KIAA0930: variants seen among roughly 807,000 people sequenced by gnomAD.
KIAA0930 encodes the protein uncharacterized protein KIAA0930.
Under a neutral mutation model 43.9 loss-of-function variants are expected in KIAA0930, and 24 were observed. The ratio of observed to expected loss-of-function variants is 0.55; its 90% CI spans 0.40 to 0.77. The LOEUF is 0.77. Among genes scored for constraint, KIAA0930 ranks in the 30% least tolerant of loss-of-function variants. KIAA0930 has a pLI of 0.00. For missense variants in KIAA0930, 461 were observed against 574.2 expected (o/e 0.80, Z 2.02); for synonymous variants, 259 against 216.4 (o/e 1.20, Z -1.73).
intron 8 of KIAA0930, among the ~76,000 whole-genome samples, chr22:45,199,393 G>A (rs1025892837): frequency 2.8e-4 from 42 of 152,258 alleles, no homozygotes; most frequent in African/African-American, 9.6e-4. Context: ...ACGAGGTGGC[G>A]ACTGTGTCAC....
At chr22:45,220,271 G>C (rs2083759463) in intron 1 of KIAA0930, among the ~76,000 whole-genome samples, 1 of 151,946 alleles carries the variant, frequency 6.6e-6, no homozygotes, top group African/African-American at 2.4e-5. Flanking sequence ...TGGCAAACAT[G>C]GTAAAACCCC....
At chr22:45,233,949 G>A (rs193089846) in intron 1 of KIAA0930, among the ~76,000 whole-genome samples, 12 of 152,330 alleles carry the variant, frequency 7.9e-5, no homozygotes, top group African/African-American at 2.6e-4. Flanking sequence ...CAGAAGAGCG[G>A]GGCTGGGGCT....
intron 8 of KIAA0930, among the ~76,000 whole-genome samples, chr22:45,198,232 G>T (rs2083555097): frequency 6.6e-6 from 1 of 152,188 alleles, no homozygotes; most frequent in Admixed American, 6.5e-5. Flanking sequence ...TCCTCCGGGG[G>T]TTCTGGCACA....
At chr22:45,235,598 G>A (rs888287783) in intron 1 of KIAA0930, among the ~76,000 whole-genome samples, 2 of 150,826 alleles carry the variant, frequency 1.3e-5, no homozygotes, top group East Asian at 1.9e-4. Flanking sequence ...CCCGAGCGTC[G>A]GGGCATAAAT....
intron 1 of KIAA0930, among the ~76,000 whole-genome samples, chr22:45,240,243 G>A (rs578130322): frequency 6.6e-6 from 1 of 152,314 alleles, no homozygotes; most frequent in South Asian, 2.1e-4. Context: ...CTGCCGCGCT[G>A]GGCTAAGGGT....
intron 1 of KIAA0930, among the ~76,000 whole-genome samples, chr22:45,238,055 C>CA (rs1210809403): frequency 2.6e-4 from 40 of 151,896 alleles, no homozygotes; most frequent in African/African-American, 8.4e-4. Context: ...TGAGTAGCTG[C>CA]GACTATAGGC....
Position 45,197,955 on chromosome 22 carries a change from G to A in KIAA0930, c.1016-7C>T, listed in dbSNP as rs764990935. On this transcript the variant is annotated splice_polypyrimidine_tract_variant and splice_region_variant and intron_variant, in intron 8 of 9. Coordinates refer to ENST00000336156, the MANE Select transcript of KIAA0930 (RefSeq NM_001009880.2). ...GTTGCATTGTGCAGATCGGCTGGAG[G>A]AAAGAAGGCCAGGTCAAGGCCCCCA... The A allele has an allele frequency of 3.7e-6, 6 of 1,613,642 alleles. No individual in the cohort carries two copies. Among genetic ancestry groups the A allele is most frequent in the Middle Eastern group, 1.7e-4 (1 of 6,060 alleles).
chr22:45,204,029 C>T, intron 5 of KIAA0930, 44 bp from the exon 6 acceptor site: 5 of 1,610,730 alleles, frequency 3.1e-6, no homozygotes, highest in Non-Finnish European at 4.2e-6. Flanking sequence ...CATCAGCTCC[C>T]ACCGCCCACA....
intron 1 of KIAA0930, among the ~76,000 whole-genome samples, chr22:45,214,211 A>G (rs1665823165): frequency 6.6e-6 from 1 of 152,162 alleles, no homozygotes; most frequent in Non-Finnish European, 1.5e-5. Flanking sequence ...AGCCCTTAAG[A>G]AAACTGCCAG....
At chr22:45,218,107 C>G (rs561657006) in intron 1 of KIAA0930, among the ~76,000 whole-genome samples, 1 of 152,264 alleles carries the variant, frequency 6.6e-6, no homozygotes, top group Admixed American at 6.5e-5. Context: ...GTTTCAGGAG[C>G]GAGGAACGTG....
rs924621376 is a variant in KIAA0930 at position 45,198,654 on chromosome 22, T to G, written c.1016-706A>C. ...TTGTCAGCGAATCCTTCACGTCGTT[T>G]TTTTTTGTTTGTTTTGAGATGGAAT... On this transcript the variant is annotated intron_variant, in intron 8 of 9. Transcript: ENST00000336156. Among the ~76,000 whole-genome samples, 6 of 152,156 alleles carry G rather than the reference T, an allele frequency of 3.9e-5. No homozygotes were observed. In the East Asian group the frequency reaches 9.6e-4, roughly 24 times the overall value.
At chr22:45,236,084 G>A (rs2083886749) in intron 1 of KIAA0930, 1 of 152,306 alleles carries the variant, frequency 6.6e-6, no homozygotes, top group Non-Finnish European at 1.5e-5. Flanking sequence ...CACATGATGG[G>A]CCTCAGCTGG....
rs11913944 is a variant in KIAA0930, at chr22:45,212,311, G to C, written c.65-204C>G. The C allele has an allele frequency of 4.8e-5, 77 of 1,612,852 alleles. No homozygotes were observed. The East Asian group carries it at 1.2e-3, about 26-fold the overall frequency. On this transcript the variant is annotated intron_variant, in intron 1 of 9. Transcript: ENST00000336156. ...TGGAGGACACCTCCCAGGAGGCCCA[G>C]TTCCTCCACTCAGCAGCAGCCTGAG... is the stretch of plus-strand genomic sequence containing the variant.
chr22:45,239,252 T>C (rs887778040), intron 1 of KIAA0930, among the ~76,000 whole-genome samples: 2 of 152,208 alleles, frequency 1.3e-5, no homozygotes, highest in East Asian at 3.8e-4. Context: ...AGCTCAGATA[T>C]TCGGTGCCAG....
intron 2 of KIAA0930, among the ~76,000 whole-genome samples, chr22:45,209,284 GT>G (rs974164767): frequency 6.6e-6 from 1 of 151,444 alleles, no homozygotes; most frequent in African/African-American, 2.4e-5. Context: ...GACTCCGCGG[GT>G]CCCCCACCTC....
In KIAA0930 at chr22:45,225,734, G is replaced by C. The variant is rs191923730; in HGVS notation, c.65-13627C>G. The stretch of plus-strand genomic sequence containing the variant: ...TTCCTTACCACCCCACCCCAGCACC[G>C]GCCTTCCCTGACCCAGCTGGGGCCC... On this transcript the variant is annotated intron_variant, in intron 1 of 9. Transcript: ENST00000336156. Among the ~76,000 whole-genome samples, 5 of 152,272 alleles carry C rather than the reference G, an allele frequency of 3.3e-5. No homozygotes were observed. The East Asian group carries it at 9.6e-4, about 29-fold the overall frequency.
At chr22:45,198,949 C>T (rs1402139512) in intron 8 of KIAA0930, among the ~76,000 whole-genome samples, 1 of 152,208 alleles carries the variant, frequency 6.6e-6, no homozygotes, top group African/African-American at 2.4e-5. Context: ...CTGTGCCTGG[C>T]CAATCCTTCA....
intron 1 of KIAA0930, among the ~76,000 whole-genome samples, chr22:45,220,778 G>A (rs1294890450): frequency 2.0e-5 from 3 of 151,960 alleles, no homozygotes; most frequent in South Asian, 2.1e-4. Flanking sequence ...GCAGGGTTTC[G>A]CCATGTTGCC....
chr22:45,209,208 C>T (rs368467416), intron 2 of KIAA0930, among the ~76,000 whole-genome samples: 2 of 152,192 alleles, frequency 1.3e-5, no homozygotes, highest in Non-Finnish European at 2.9e-5. Context: ...CGGGTACCAG[C>T]GGGATGGGCA....
Sources: gnomAD v4.1 joint callset for allele counts (sites outside exome capture counted in the v4.1 genomes callset) on GRCh38, gnomAD v4.1.1 for gene constraint, MANE v1.5 for transcripts, NCBI Gene and HGNC (gene_info 2026-07-23, HGNC 2026-07-21) for gene names.